Variants in ATP6V1C2 observed in about 807,000 individuals in gnomAD.
ATP6V1C2 encodes the protein V-type proton ATPase subunit C 2.
In ATP6V1C2, 45 loss-of-function variants were observed where a neutral mutation model predicts 56.8. That is an observed-to-expected ratio of 0.79 (90% CI 0.62 to 1.02). The LOEUF is 1.02. Ranked by LOEUF, ATP6V1C2 falls within the 50% of genes least tolerant of loss-of-function variation. The pLI is 0.00. For synonymous variants in ATP6V1C2, 220 were observed against 201.3 expected (o/e 1.09, Z -0.79); for missense variants, 463 against 519.7 (o/e 0.89, Z 1.06).
In ATP6V1C2 at chr2:10,722,742, G is replaced by T. The variant is rs568885014; in HGVS notation, c.-26-82G>T. The T allele has an allele frequency of 3.6e-5, 51 of 1,417,920 alleles. 1 individual carries two copies. The South Asian group carries it at 6.4e-4, about 18-fold the overall frequency. The allele number at this position is 1,417,920 out of a possible 1,614,324, so 87.8% of individuals were successfully genotyped here. A position where few individuals can be genotyped will look rare whatever the true frequency, so the allele number is the denominator to read the frequency against. ...TCATCCTAGAAAGGATGAATTGGAGGGTAGGGAGTGGTGAGGCGGGGATAT... is the reference window on the plus strand; with the variant it reads ...TCATCCTAGAAAGGATGAATTGGAGTGTAGGGAGTGGTGAGGCGGGGATAT... On this transcript the variant is annotated intron_variant, in intron 1 of 13. Coordinates refer to ENST00000272238, the MANE Select transcript of ATP6V1C2 (RefSeq NM_001039362.2).
At chr2:10,779,040 G>A (rs1289219780) in intron 12 of ATP6V1C2, among the ~76,000 whole-genome samples, 7 of 151,886 alleles carry the variant, frequency 4.6e-5, no homozygotes, top group Non-Finnish European at 7.4e-5. Flanking sequence ...CCTGGAAGCC[G>A]CACCCCTCAA....
chr2:10,731,851 G>T (rs925932836), intron 3 of ATP6V1C2, among the ~76,000 whole-genome samples: 1 of 152,020 alleles, frequency 6.6e-6, no homozygotes, highest in Non-Finnish European at 1.5e-5. Flanking sequence ...GTGCATGCCT[G>T]TAGTCCCAGC....
At chr2:10,778,988 A>G (rs1461472639) in intron 12 of ATP6V1C2, among the ~76,000 whole-genome samples, 4 of 151,986 alleles carry the variant, frequency 2.6e-5, no homozygotes, top group African/African-American at 9.7e-5. Flanking sequence ...GCAGGGCCCG[A>G]GTGGCTCCTG....
intron 5 of ATP6V1C2, among the ~76,000 whole-genome samples, chr2:10,764,704 GC>G (rs1664120571): frequency 6.6e-6 from 1 of 152,230 alleles, no homozygotes; most frequent in Admixed American, 6.5e-5. Flanking sequence ...GGGCACGGTG[GC>G]TTACGCCTGT....
chr2:10,764,666 C>CT (rs1285235361), intron 5 of ATP6V1C2, among the ~76,000 whole-genome samples: 2 of 152,238 alleles, frequency 1.3e-5, no homozygotes, highest in African/African-American at 4.8e-5. Context: ...TGCTCCACTT[C>CT]TTTTTTCAAA....
intron 3 of ATP6V1C2, among the ~76,000 whole-genome samples, chr2:10,736,252 A>G (rs1161408048): frequency 6.6e-6 from 1 of 152,198 alleles, no homozygotes; most frequent in East Asian, 1.9e-4. Context: ...ATCTGTTTCT[A>G]GAAGGTTTTA....
At chr2:10,740,851 T>G (rs2148433224) in intron 3 of ATP6V1C2, among the ~76,000 whole-genome samples, 1 of 152,310 alleles carries the variant, frequency 6.6e-6, no homozygotes, top group East Asian at 1.9e-4. Context: ...CAGGCCCGGC[T>G]AATTTTTGCA....
chr2:10,779,427 A>G (rs1429362819), intron 12 of ATP6V1C2, among the ~76,000 whole-genome samples: 2 of 107,532 alleles, frequency 1.9e-5, no homozygotes, highest in Non-Finnish European at 4.0e-5. Flanking sequence ...ATAAAAAAAA[A>G]AATATATATA....
chr2:10,762,731 C>T (rs1198870), intron 4 of ATP6V1C2, among the ~76,000 whole-genome samples: 65,267 of 151,586 alleles, frequency 0.43, 14,875 homozygotes, highest in African/African-American at 0.57. Context: ...CATGGCTGCC[C>T]GGCTTAGAGC....
In ATP6V1C2 at chr2:10,782,318, G is replaced by C. The variant is rs1003746718; in HGVS notation, c.1137G>C (p.Glu379Asp). 6.2e-7 allele frequency: 1 copy of C among 1,614,208 alleles called. No homozygotes were observed. ...HKKSSTKRLREVLNSVFRHLD... is the reference protein window; with the variant it reads ...HKKSSTKRLRDVLNSVFRHLD... ...AGTCATCCACCAAGCGTTTAAGAGA[G>C]GTTCTAAACTCTGTCTTCCGACATC... Residue 379 changes from glutamate to aspartate, a missense_variant, in exon 13 of 14, where the codon GAG becomes GAC. By Grantham distance (45) the Glu-to-Asp change is conservative. Coordinates refer to ENST00000272238, the MANE Select transcript of ATP6V1C2 (RefSeq NM_001039362.2).
intron 5 of ATP6V1C2, among the ~76,000 whole-genome samples, chr2:10,765,140 G>A (rs1229654696): frequency 7.9e-5 from 12 of 152,154 alleles, no homozygotes; most frequent in African/African-American, 1.7e-4. Flanking sequence ...GCACCAGCTC[G>A]TTGCTCTCCA....
In ATP6V1C2 at chr2:10,754,062, C is replaced by T. The variant is rs76684475; in HGVS notation, c.279C>T (p.Asn93=). The T allele has an allele frequency of 9.2e-4, 1,465 of 1,599,726 alleles. 12 individuals carry two copies. The African/African-American group carries it at 0.016, about 18-fold the overall frequency. The change falls in exon 4 of 14, where the codon AAC becomes AAT. Residue 93 remains asparagine, a synonymous_variant. Transcript: ENST00000272238. ...AGGTCCAGGAGCACCTCCTGGCAAA[C>T]GGAGGTAGGTAGGGCGGCCCTCTGA... is the stretch of plus-strand genomic sequence containing the variant. ...KGKVQEHLLA[N]GVDLTSFVTH...
intron 2 of ATP6V1C2, among the ~76,000 whole-genome samples, chr2:10,723,577 G>A (rs1427868137): frequency 5.3e-5 from 8 of 152,036 alleles, no homozygotes; most frequent in Admixed American, 3.9e-4. Context: ...GGTGGCTCAC[G>A]CCTGTAATCC....
chr2:10,734,645 A>C (rs1182490986), intron 3 of ATP6V1C2, among the ~76,000 whole-genome samples: 2 of 152,062 alleles, frequency 1.3e-5, no homozygotes, highest in Non-Finnish European at 2.9e-5. Flanking sequence ...CAGAGGAGGG[A>C]ATACACTCCA....
At position 10,726,527 on chromosome 2, in the gene ATP6V1C2, G is replaced by T. The variant is rs1360233965; in HGVS notation, c.155G>T (p.Gly52Val). Reference protein sequence around the residue: ...FKVGTLDSLVGLSDELGKLDT... With the variant: ...FKVGTLDSLVVLSDELGKLDT... ...GTGGGGACCTTGGATTCCCTGGTTG[G>T]CCTCTCTGATGAGTTGGGGAAACTC... is the stretch of plus-strand genomic sequence containing the variant. The change falls in exon 3 of 14, where the codon GGC (glycine) becomes GTC (valine). Residue 52 changes from glycine to valine, a missense_variant. By Grantham distance (109) the Gly-to-Val change is moderately radical (BLOSUM62 -3). Transcript: ENST00000272238. The T allele has an allele frequency of 6.2e-7, 1 of 1,613,962 alleles. No homozygotes were observed. Among genetic ancestry groups the T allele is most frequent in the Admixed American group, 1.7e-5 (1 of 60,026 alleles).
Position 10,756,441 on chromosome 2 carries a change from C to T in ATP6V1C2, c.283+2375C>T, listed in dbSNP as rs10182894. ...GTTTAGAAATATTTAGATATATTGC[C>T]GGGCGCAGTGGCTCACACCTGTAAT... On this transcript the variant is annotated intron_variant, in intron 4 of 13. Transcript: ENST00000272238. 9.3e-3 allele frequency among the ~76,000 whole-genome samples: 1,410 copies of T among 151,844 alleles called. 24 individuals carry two copies. The highest frequency in any genetic ancestry group is 0.032 in the African/African-American group (1,330 of 41,394).
At chr2:10,767,132 AAT>A (rs1188715642) in intron 5 of ATP6V1C2, among the ~76,000 whole-genome samples, 1 of 150,960 alleles carries the variant, frequency 6.6e-6, no homozygotes, top group Non-Finnish European at 1.5e-5. Flanking sequence ...TTTATCTTTA[AAT>A]ATTTTTTTAA....
intron 3 of ATP6V1C2, among the ~76,000 whole-genome samples, chr2:10,735,269 A>G (rs1321635823): frequency 6.6e-6 from 1 of 152,090 alleles, no homozygotes; most frequent in Non-Finnish European, 1.5e-5. Context: ...TCCTGGGTTC[A>G]AACAAATCTC....
At position 10,722,859 on chromosome 2, in the gene ATP6V1C2, T is replaced by G; in HGVS notation, c.10T>G (p.Phe4Val). The change falls in exon 2 of 14, where the codon TTT becomes GTT. Residue 4 changes from phenylalanine (F) to valine (V), a missense_variant. Coordinates refer to ENST00000272238, the MANE Select transcript of ATP6V1C2 (RefSeq NM_001039362.2). MSEFWLISAPGDKE... is the reference protein window; with the variant it reads MSEVWLISAPGDKE... The stretch of plus-strand genomic sequence containing the variant: ...AGAGAAGACTGGAAGCATGTCGGAG[T>G]TTTGGTTAATTTCTGCCCCTGGCGA... The G allele has an allele frequency of 6.2e-7, 1 of 1,613,606 alleles. No homozygotes were observed. Among genetic ancestry groups the G allele is most frequent in the South Asian group, 1.1e-5 (1 of 91,022 alleles).
Sources: allele counts gnomAD v4.1 joint callset (sites outside exome capture counted in the v4.1 genomes callset), GRCh38; gene constraint gnomAD v4.1.1; transcripts MANE v1.5; gene names NCBI Gene and HGNC (gene_info 2026-07-23, HGNC 2026-07-21).